Variants in ESRRB observed in about 807,000 individuals in gnomAD.
ESRRB encodes the protein steroid hormone receptor ERR2.
ESRRB carries 16 observed loss-of-function variants against 46.0 expected under a neutral mutation model. That is an observed-to-expected ratio of 0.35 (90% CI 0.24 to 0.53). ESRRB has a LOEUF of 0.53. ESRRB is among the 20% of genes least tolerant of loss of function. The probability of loss-of-function intolerance (pLI) is 0.93; values close to 1 mark genes in which losing one functional copy is unlikely to be tolerated. For synonymous variants in ESRRB, 246 were observed against 259.6 expected (o/e 0.95, Z 0.50); for missense variants, 488 against 607.4 (o/e 0.80, Z 2.07).
intron 5 of ESRRB, among the ~76,000 whole-genome samples, chr14:76,485,227 T>C (rs1889959579): frequency 6.8e-6 from 1 of 146,632 alleles, no homozygotes; most frequent in East Asian, 2.0e-4. Context: ...CACAATCAAA[T>C]GCCTGATTTT....
chr14:76,336,832 T>C (rs1884132481), intron 1 of ESRRB, among the ~76,000 whole-genome samples: 1 of 152,154 alleles, frequency 6.6e-6, no homozygotes, highest in South Asian at 2.1e-4. Context: ...TCTATTTCAG[T>C]GTATCTTACA....
intron 1 of ESRRB, among the ~76,000 whole-genome samples, chr14:76,405,632 G>A (rs1257157833): frequency 6.6e-6 from 1 of 152,152 alleles, no homozygotes; most frequent in South Asian, 2.1e-4. Flanking sequence ...GACAAAGCTC[G>A]GGATTTGCAC....
intron 1 of ESRRB, among the ~76,000 whole-genome samples, chr14:76,318,215 GGGCTCCAGGTT>G (rs1883824692): frequency 6.6e-6 from 1 of 152,122 alleles, no homozygotes; most frequent in Non-Finnish European, 1.5e-5. Flanking sequence ...CCCAACACCT[GGGCTCCAGGTT>G]TGCTAAAAGT....
chr14:76,450,855 G>A (rs1274418762), intron 2 of ESRRB, among the ~76,000 whole-genome samples: 2 of 152,130 alleles, frequency 1.3e-5, no homozygotes, highest in East Asian at 3.9e-4. Flanking sequence ...GGGCAAGCAA[G>A]GACTGAGTTC....
At chr14:76,310,978 T>TCTCTCTC in intron 1 of ESRRB, 2 of 360,392 alleles carry the variant, frequency 5.5e-6, no homozygotes, top group Admixed American at 3.1e-5. Flanking sequence ...TCTGTCCCCT[T>TCTCTCTC]TCTCTCTCTC....
At position 76,482,247 on chromosome 14, in the gene ESRRB, G is replaced by A. The variant is rs1889837185; in HGVS notation, c.688+121G>A. The A allele has an allele frequency of 1.3e-6, 1 of 791,156 alleles. No individual in the cohort carries two copies. The highest frequency in any genetic ancestry group is 2.2e-6 in the Non-Finnish European group (1 of 462,518). The allele number at this position is 791,156 out of a possible 1,614,324, so 49.0% of individuals were successfully genotyped here. On this transcript the variant is annotated intron_variant, in intron 4 of 6. Coordinates refer to ENST00000644823, the MANE Select transcript of ESRRB (RefSeq NM_001379180.1). This position sits in a 1 kb window ranked among gnomAD's most constrained non-coding sequence, Gnocchi z 4.3. ...ATGAGACAATGTGGATCTTGGGGAG[G>A]TGACATCAGTGCCTGGCACATTTAG...
chr14:76,426,067 A>G (rs1887187271), intron 1 of ESRRB, among the ~76,000 whole-genome samples: 1 of 152,212 alleles, frequency 6.6e-6, no homozygotes, highest in African/African-American at 2.4e-5. Context: ...CCAGTGCTTC[A>G]GTTGCTTAAC....
At chr14:76,363,614 G>A (rs1884488915) in intron 1 of ESRRB, among the ~76,000 whole-genome samples, 1 of 152,198 alleles carries the variant, frequency 6.6e-6, no homozygotes, top group Non-Finnish European at 1.5e-5. Context: ...TACTGGGAAT[G>A]GACACGTCTT....
intron 1 of ESRRB, among the ~76,000 whole-genome samples, chr14:76,413,191 C>T (rs568773381): frequency 6.6e-6 from 1 of 152,278 alleles, no homozygotes; most frequent in African/African-American, 2.4e-5. Context: ...CAAAGCTGCA[C>T]CGCAGTGCTG....
intron 1 of ESRRB, among the ~76,000 whole-genome samples, chr14:76,431,974 G>A (rs554000840): frequency 1.1e-4 from 16 of 152,258 alleles, no homozygotes; most frequent in African/African-American, 2.4e-4. Flanking sequence ...CCTAGACGCC[G>A]TCTCCCAACC....
At chr14:76,475,156 G>T (rs779188240) in intron 3 of ESRRB, among the ~76,000 whole-genome samples, 5 of 152,002 alleles carry the variant, frequency 3.3e-5, no homozygotes, top group Non-Finnish European at 5.9e-5. Flanking sequence ...ATCTCTTGAG[G>T]CTGGGAGGTC....
At chr14:76,434,273 C>T (rs760307518) in intron 1 of ESRRB, among the ~76,000 whole-genome samples, 16 of 152,210 alleles carry the variant, frequency 1.1e-4, no homozygotes, top group Non-Finnish European at 1.8e-4. Context: ...CCTGGTGCAT[C>T]AGGAACCAGG....
At chr14:76,463,817 G>A (rs988474369) in intron 3 of ESRRB, among the ~76,000 whole-genome samples, 1 of 152,070 alleles carries the variant, frequency 6.6e-6, no homozygotes, top group African/African-American at 2.4e-5. Context: ...TGGGACAACT[G>A]CTCCAGGTCT....
At chr14:76,404,360 TATATA>T (rs1181781888) in intron 1 of ESRRB, 1 of 149,072 alleles carries the variant, frequency 6.7e-6, no homozygotes, top group Non-Finnish European at 1.5e-5. Context: ...TATATAATAT[TATATA>T]ATATAATTAA....
At chr14:76,317,424 C>T (rs868249949) in intron 1 of ESRRB, among the ~76,000 whole-genome samples, 7 of 151,064 alleles carry the variant, frequency 4.6e-5, no homozygotes, top group Middle Eastern at 3.4e-3. Context: ...GCTCCTAAGT[C>T]GGTCTCAGGA....
intron 2 of ESRRB, among the ~76,000 whole-genome samples, chr14:76,445,607 G>T (rs1267018441): frequency 1.3e-5 from 2 of 151,442 alleles, no homozygotes; most frequent in Non-Finnish European, 2.9e-5. Context: ...AATATGGGAA[G>T]AAATTTTGCA....
intron 1 of ESRRB, among the ~76,000 whole-genome samples, chr14:76,420,524 G>T (rs1447900370): frequency 6.6e-6 from 1 of 151,858 alleles, no homozygotes; most frequent in Non-Finnish European, 1.5e-5. Flanking sequence ...AGTTCTAAGT[G>T]CATGAGCTAA....
At chr14:76,422,565 T>C (rs118042711) in intron 1 of ESRRB, among the ~76,000 whole-genome samples, 1,580 of 152,258 alleles carry the variant, frequency 0.01, 16 homozygotes, top group Non-Finnish European at 0.015. Context: ...ACTATGTGGG[T>C]AGGGACCACC....
At chr14:76,365,499 A>G (rs1884509613) in intron 1 of ESRRB, among the ~76,000 whole-genome samples, 1 of 150,230 alleles carries the variant, frequency 6.7e-6, no homozygotes, top group Non-Finnish European at 1.5e-5. Context: ...AAACAAACAA[A>G]CAAACAAGCC....
Sources: allele counts gnomAD v4.1 joint callset (sites outside exome capture counted in the v4.1 genomes callset), GRCh38; gene constraint gnomAD v4.1.1; non-coding constraint Gnocchi (gnomAD v3.1); transcripts MANE v1.5; gene names NCBI Gene and HGNC (gene_info 2026-07-23, HGNC 2026-07-21).